Variants in KIAA1958 observed in about 807,000 individuals in gnomAD.
The protein encoded by KIAA1958 is KIAA1958, also known as uncharacterized protein KIAA1958.
In KIAA1958, 14 loss-of-function variants were observed where a neutral mutation model predicts 47.2. That is an observed-to-expected ratio of 0.30 (90% confidence interval 0.20 to 0.46). The LOEUF is 0.46. KIAA1958 is among the 20% of genes least tolerant of loss of function. KIAA1958 has a pLI of 1.00. For synonymous variants in KIAA1958, 354 were observed against 353.3 expected (o/e 1.00, Z -0.02); for missense variants, 803 against 909.2 (o/e 0.88, Z 1.50).
chr9:112,641,541 C>T (rs1015113980), intron 2 of KIAA1958, among the ~76,000 whole-genome samples: 4 of 151,390 alleles, frequency 2.6e-5, no homozygotes, highest in African/African-American at 9.7e-5. Context: ...TTTGACAGTT[C>T]ATGAACCTTA....
intron 1 of KIAA1958, among the ~76,000 whole-genome samples, chr9:112,569,745 C>T (rs1014967386): frequency 3.3e-5 from 5 of 151,948 alleles, no homozygotes; most frequent in Non-Finnish European, 7.4e-5. Context: ...CTCAGCCTCC[C>T]GAGTAGCTGG....
chr9:112,518,724 T>C (rs1367902175), intron 1 of KIAA1958, among the ~76,000 whole-genome samples: 2 of 152,220 alleles, frequency 1.3e-5, no homozygotes, highest in Admixed American at 6.5e-5. Flanking sequence ...CAATTCATTG[T>C]ATTTCAATTA....
At chr9:112,571,764 C>G (rs575968888) in intron 1 of KIAA1958, among the ~76,000 whole-genome samples, 10 of 149,550 alleles carry the variant, frequency 6.7e-5, no homozygotes, top group African/African-American at 2.5e-4. Context: ...CTTGGGCAAC[C>G]TAGGGACACC....
chr9:112,522,806 C>T (rs992324860), intron 1 of KIAA1958, among the ~76,000 whole-genome samples: 1 of 152,216 alleles, frequency 6.6e-6, no homozygotes, highest in African/African-American at 2.4e-5. Flanking sequence ...AAGGTCTCAG[C>T]TCAGTCCCCA....
intron 2 of KIAA1958, among the ~76,000 whole-genome samples, chr9:112,638,173 T>G (rs1836836793): frequency 6.6e-6 from 1 of 151,598 alleles, no homozygotes; most frequent in South Asian, 2.1e-4. Flanking sequence ...AAAATAAAAT[T>G]TTCTCTTAAT....
intron 2 of KIAA1958, among the ~76,000 whole-genome samples, chr9:112,634,006 G>A (rs1836756079): frequency 6.6e-6 from 1 of 151,708 alleles, no homozygotes; most frequent in Non-Finnish European, 1.5e-5. Context: ...GGATTACTGA[G>A]TCATAGAATT....
intron 2 of KIAA1958, among the ~76,000 whole-genome samples, chr9:112,584,403 G>C (rs1158487405): frequency 6.6e-6 from 1 of 152,174 alleles, no homozygotes; most frequent in Non-Finnish European, 1.5e-5. Context: ...TTTAAAAATA[G>C]ATCATGAAGC....
chr9:112,550,331 G>T (rs1398451419), intron 1 of KIAA1958, among the ~76,000 whole-genome samples: 2 of 152,192 alleles, frequency 1.3e-5, no homozygotes, highest in African/African-American at 4.8e-5. Flanking sequence ...GATCACTGAT[G>T]AATCTATGTA....
At chr9:112,560,203 T>C (rs894643921) in intron 1 of KIAA1958, among the ~76,000 whole-genome samples, 1 of 123,150 alleles carries the variant, frequency 8.1e-6, no homozygotes, top group Non-Finnish European at 1.7e-5. Flanking sequence ...TTTTTCTTTT[T>C]TTTTCTTTTT....
At chr9:112,600,633 T>C (rs1380399742) in intron 2 of KIAA1958, among the ~76,000 whole-genome samples, 1 of 152,206 alleles carries the variant, frequency 6.6e-6, no homozygotes, top group Non-Finnish European at 1.5e-5. Context: ...CTCTGGTTGT[T>C]CACATATGTC....
At chr9:112,611,839 TTTA>T (rs1836333458) in intron 2 of KIAA1958, among the ~76,000 whole-genome samples, 1 of 152,064 alleles carries the variant, frequency 6.6e-6, no homozygotes. Flanking sequence ...AAGACAAATT[TTTA>T]TTATACCTAA....
intron 1 of KIAA1958, among the ~76,000 whole-genome samples, chr9:112,529,277 G>C (rs563413852): frequency 6.6e-6 from 1 of 152,268 alleles, no homozygotes; most frequent in East Asian, 1.9e-4. Context: ...TGCAGAAATA[G>C]TTCAGAGAGT....
chr9:112,590,350 C>CTTTT (rs893352438), intron 2 of KIAA1958, among the ~76,000 whole-genome samples: 2 of 134,312 alleles, frequency 1.5e-5, no homozygotes, highest in Non-Finnish European at 3.2e-5. Flanking sequence ...AGACACCCTT[C>CTTTT]TTTTTTTTTT....
intron 1 of KIAA1958, among the ~76,000 whole-genome samples, chr9:112,539,076 A>G (rs938696387): frequency 6.6e-6 from 1 of 152,194 alleles, no homozygotes; most frequent in Non-Finnish European, 1.5e-5. Flanking sequence ...AGAAATTGGA[A>G]CTCTCATACA....
At chr9:112,593,899 C>T (rs1218284640) in intron 2 of KIAA1958, among the ~76,000 whole-genome samples, 1 of 151,790 alleles carries the variant, frequency 6.6e-6, no homozygotes, top group African/African-American at 2.4e-5. Context: ...GAGTCTTGCT[C>T]TGTCACCCAG....
At chr9:112,601,878 C>T (rs1226809704) in intron 2 of KIAA1958, among the ~76,000 whole-genome samples, 1 of 152,188 alleles carries the variant, frequency 6.6e-6, no homozygotes, top group East Asian at 1.9e-4. Context: ...GTGAAAAATG[C>T]TATCAAGAAT....
intron 1 of KIAA1958, among the ~76,000 whole-genome samples, chr9:112,527,659 G>A (rs557260349): frequency 1.3e-5 from 2 of 152,144 alleles, no homozygotes; most frequent in Non-Finnish European, 2.9e-5. Flanking sequence ...GAGGCTGGGC[G>A]TGGTGGCTCA....
intron 1 of KIAA1958, among the ~76,000 whole-genome samples, chr9:112,530,973 T>C (rs1055573969): frequency 2.0e-5 from 3 of 152,258 alleles, no homozygotes; most frequent in Non-Finnish European, 4.4e-5. Flanking sequence ...ATATATTTTA[T>C]GTTCAGCTTA....
intron 1 of KIAA1958, among the ~76,000 whole-genome samples, chr9:112,559,806 G>A (rs952225830): frequency 6.6e-6 from 1 of 152,166 alleles, no homozygotes; most frequent in Admixed American, 6.6e-5. Flanking sequence ...ATACTTCTTT[G>A]AGTGGGCTGT....
Sources: allele counts gnomAD v4.1 joint callset (sites outside exome capture counted in the v4.1 genomes callset), GRCh38; gene constraint gnomAD v4.1.1; transcripts MANE v1.5; gene names NCBI Gene and HGNC (gene_info 2026-07-23, HGNC 2026-07-21).